Variants in VIPR2 observed in about 807,000 individuals in gnomAD.
The protein encoded by VIPR2 is vasoactive intestinal polypeptide receptor 2.
In VIPR2, 48 loss-of-function variants were observed where a neutral mutation model predicts 58.0. The ratio of observed to expected loss-of-function variants is 0.83; its 90% CI spans 0.66 to 1.05. The LOEUF is 1.05. Among genes scored for constraint, VIPR2 ranks in the 50% least tolerant of loss-of-function variants. The pLI is 0.00. For synonymous variants in VIPR2, 243 were observed against 235.2 expected (o/e 1.03, Z -0.30); for missense variants, 534 against 558.0 (o/e 0.96, Z 0.43).
intron 4 of VIPR2, among the ~76,000 whole-genome samples, chr7:159,074,191 G>T (rs891812913): frequency 5.9e-5 from 9 of 152,104 alleles, no homozygotes; most frequent in African/African-American, 2.2e-4. Flanking sequence ...ATTTAATCAG[G>T]CCTCATTCAA....
Position 159,093,705 on chromosome 7 carries a change from C to T in VIPR2, c.357+10052G>A, listed in dbSNP as rs543117926. Among the ~76,000 whole-genome samples the T allele has an allele frequency of 3.9e-4, 44 of 113,020 alleles. No individual in the cohort carries two copies. Among genetic ancestry groups the T allele is most frequent in the African/African-American group, 8.5e-4 (31 of 36,542 alleles). 74.1% of individuals were successfully genotyped at this position (113,020 alleles called of 152,430 possible). On this transcript the variant is annotated intron_variant, in intron 4 of 12. Transcript: ENST00000262178. This position sits in a 1 kb window ranked among gnomAD's most constrained non-coding sequence, Gnocchi z 6.7. Reference sequence around the variant, plus strand: ...CCCTGGGTTCGGAGATGGGAGACCCCGCAGCGTCCCTGGGTCCGGACATGG... The same window carrying T: ...CCCTGGGTTCGGAGATGGGAGACCCTGCAGCGTCCCTGGGTCCGGACATGG...
intron 4 of VIPR2, among the ~76,000 whole-genome samples, chr7:159,073,987 C>T (rs899712561): frequency 6.6e-6 from 1 of 152,194 alleles, no homozygotes; most frequent in Non-Finnish European, 1.5e-5. Flanking sequence ...TTCTCATTAA[C>T]ATTAGCAATG....
chr7:159,144,734 C>T lies in VIPR2; in HGVS notation c.38G>A (p.Trp13Ter), dbSNP rs1231097598. 1 of 1,308,632 alleles carries T rather than the reference C, an allele frequency of 7.6e-7. No individual in the cohort carries two copies. The highest frequency in any genetic ancestry group is 9.7e-7 in the Non-Finnish European group (1 of 1,030,736). 81.1% of individuals were successfully genotyped at this position (1,308,632 alleles called of 1,614,324 possible). A position where few individuals can be genotyped will look rare whatever the true frequency, so the allele number is the denominator to read the frequency against. The change falls in exon 1 of 13, where the codon TGG becomes TAG. Residue 13 changes from tryptophan (W) to a stop codon, truncating the protein, a stop_gained. Coordinates refer to ENST00000262178, the MANE Select transcript of VIPR2 (RefSeq NM_003382.5). LOFTEE classifies it high-confidence loss of function. ...TLLPPALLTC[W>*]LLAPVNSIHP... Reference sequence around the variant, plus strand: ...GGGCGCACTCACGGGGGCGAGCAGCCAGCAGGTCAGCAGCGCGGGAGGCAG... The same window carrying T: ...GGGCGCACTCACGGGGGCGAGCAGCTAGCAGGTCAGCAGCGCGGGAGGCAG...
chr7:159,075,208 T>C (rs1856576455), intron 4 of VIPR2, among the ~76,000 whole-genome samples: 1 of 152,222 alleles, frequency 6.6e-6, no homozygotes. Context: ...GTCAATGGCC[T>C]ACCCTCAGCT....
At chr7:159,041,912 T>C (rs1429450343) in intron 6 of VIPR2, among the ~76,000 whole-genome samples, 2 of 152,100 alleles carry the variant, frequency 1.3e-5, no homozygotes, top group Admixed American at 1.3e-4. Context: ...CTGTTACACA[T>C]GTGGGGAGAC....
intron 4 of VIPR2, among the ~76,000 whole-genome samples, chr7:159,066,369 C>G (rs1173705036): frequency 7.0e-6 from 1 of 143,216 alleles, no homozygotes; most frequent in African/African-American, 2.7e-5. Context: ...TGTTCCCACA[C>G]CATCCGTGGG....
At chr7:159,077,288 C>T (rs147262499) in intron 4 of VIPR2, among the ~76,000 whole-genome samples, 2,147 of 146,556 alleles carry the variant, frequency 0.015, 4 homozygotes, top group African/African-American at 0.051. Context: ...TGAGGTACTA[C>T]AGTGTGCCTG....
chr7:159,046,552 T>G (rs940201990), intron 5 of VIPR2, among the ~76,000 whole-genome samples: 3 of 117,952 alleles, frequency 2.5e-5, no homozygotes, highest in Admixed American at 2.0e-4. Flanking sequence ...GACTGCCTCA[T>G]GTATAGAAGG....
At chr7:159,085,446 C>T (rs1212603070) in intron 4 of VIPR2, among the ~76,000 whole-genome samples, 1 of 152,172 alleles carries the variant, frequency 6.6e-6, no homozygotes, top group Non-Finnish European at 1.5e-5. Flanking sequence ...CAGGCACGTG[C>T]CACCACGCCC....
intron 4 of VIPR2, 57 bp from the exon 5 acceptor site, chr7:159,058,635 A>C: frequency 7.7e-6 from 10 of 1,300,972 alleles, no homozygotes; most frequent in African/African-American, 5.8e-5. Flanking sequence ...ACCAGACAAC[A>C]GGAATGGTTC....
intron 4 of VIPR2, among the ~76,000 whole-genome samples, chr7:159,071,462 C>T (rs539751447): frequency 1.3e-5 from 2 of 152,352 alleles, no homozygotes; most frequent in Non-Finnish European, 1.5e-5. Flanking sequence ...CTGGCACTGG[C>T]TTTTCCATGG....
chr7:159,061,819 C>T (rs1352837269), intron 4 of VIPR2, among the ~76,000 whole-genome samples: 3 of 152,086 alleles, frequency 2.0e-5, no homozygotes, highest in Non-Finnish European at 4.4e-5. Context: ...GAGGGCGAGC[C>T]GCGGCGGAGT....
At position 159,028,404 on chromosome 7, in the gene VIPR2, CCT is replaced by C. The variant is rs911854418; in HGVS notation, c.*2210_*2211del. 1 of 152,388 alleles carries C rather than the reference CCT, an allele frequency of 6.6e-6. No homozygotes were observed. The highest frequency in any genetic ancestry group is 1.5e-5 in the Non-Finnish European group (1 of 68,142). 9.4% of individuals were successfully genotyped at this position (152,388 alleles called of 1,614,324 possible). A position where few individuals can be genotyped will look rare whatever the true frequency, so the allele number is the denominator to read the frequency against. ...ATGTGCGGTTGAGGGGAGATTGTCC[CCT>C]GAGCACACCTGATGACTGATGACTG... On this transcript the variant is annotated 3_prime_UTR_variant, in exon 13 of 13. Coordinates refer to ENST00000262178, the MANE Select transcript of VIPR2 (RefSeq NM_003382.5).
At chr7:159,041,027 G>C (rs935919913) in intron 6 of VIPR2, among the ~76,000 whole-genome samples, 5 of 152,366 alleles carry the variant, frequency 3.3e-5, no homozygotes, top group African/African-American at 1.2e-4. Context: ...CTGGCTCTGT[G>C]CTGCTGGGCA....
At chr7:159,045,314 C>A (rs1347818561) in intron 5 of VIPR2, among the ~76,000 whole-genome samples, 1 of 152,160 alleles carries the variant, frequency 6.6e-6, no homozygotes, top group African/African-American at 2.4e-5. Flanking sequence ...TTAAACAGAA[C>A]AAAGCTGAAG....
chr7:159,061,636 G>A (rs1247481583), intron 4 of VIPR2, among the ~76,000 whole-genome samples: 1 of 151,704 alleles, frequency 6.6e-6, no homozygotes, highest in South Asian at 2.1e-4. Context: ...CTGGGTGACA[G>A]AGCGAGGACC....
In VIPR2 at chr7:159,098,287, G is replaced by T. The variant is rs1230296773; in HGVS notation, c.357+5470C>A. Among the ~76,000 whole-genome samples, 2 of 152,194 alleles carry T rather than the reference G, an allele frequency of 1.3e-5. No individual in the cohort carries two copies. The highest frequency in any genetic ancestry group is 4.8e-5 in the African/African-American group (2 of 41,458). ...GATCCCGAGCCCTCAGTCTGCTGGT[G>T]GTGGTGCTCGAGAACTGTGGCTTAC... On this transcript the variant is annotated intron_variant, in intron 4 of 12. Transcript: ENST00000262178. This position sits in a 1 kb window ranked among gnomAD's most constrained non-coding sequence, Gnocchi z 5.2.
chr7:159,141,672 T>C (rs978501708), intron 2 of VIPR2, among the ~76,000 whole-genome samples: 1 of 152,288 alleles, frequency 6.6e-6, no homozygotes, highest in African/African-American at 2.4e-5. Context: ...CTCATGCTTC[T>C]TTTTACTCAT....
chr7:159,055,669 CT>C (rs1463890157), intron 5 of VIPR2, among the ~76,000 whole-genome samples: 1 of 152,104 alleles, frequency 6.6e-6, no homozygotes, highest in Non-Finnish European at 1.5e-5. Flanking sequence ...TCCAAATCAC[CT>C]TTTTCCCTCT....
Sources: gnomAD v4.1 joint callset for allele counts (sites outside exome capture counted in the v4.1 genomes callset) on GRCh38, gnomAD v4.1.1 for gene constraint, Gnocchi (gnomAD v3.1) non-coding constraint, MANE v1.5 for transcripts, NCBI Gene and HGNC (gene_info 2026-07-23, HGNC 2026-07-21) for gene names.